The following MCF2L2 variants were observed in gnomAD, a reference collection of about 807,000 sequenced individuals.
MCF2L2 encodes MCF.2 cell line derived transforming sequence-like 2.
Under a neutral mutation model 150.2 loss-of-function variants are expected in MCF2L2, and 102 were observed. The ratio of observed to expected loss-of-function variants is 0.68; its 90% CI spans 0.58 to 0.80. MCF2L2 has a LOEUF of 0.80. MCF2L2 is among the 30% of genes least tolerant of loss of function. The pLI is 0.00. For synonymous variants in MCF2L2, 465 were observed against 491.3 expected, an observed-to-expected ratio of 0.95 and a Z score of 0.71; for missense variants, 1,256 against 1,372.8, an observed-to-expected ratio of 0.91 and a Z score of 1.34.
intron 7 of MCF2L2, among the ~76,000 whole-genome samples, chr3:183,313,449 A>G (rs1455009609): frequency 6.6e-6 from 1 of 152,230 alleles, no homozygotes; most frequent in Non-Finnish European, 1.5e-5. Context: ...CACACACTAT[A>G]TATCCCCTTT....
chr3:183,252,856 T>C (rs1348410320), intron 15 of MCF2L2, among the ~76,000 whole-genome samples: 2 of 152,104 alleles, frequency 1.3e-5, no homozygotes, highest in African/African-American at 4.8e-5. Flanking sequence ...TAGGGAGAGG[T>C]CTAACAACAT....
chr3:183,224,287 A>G, intron 18 of MCF2L2, 97 bp from the exon 19 acceptor site: 1 of 783,900 alleles, frequency 1.3e-6, no homozygotes, highest in Non-Finnish European at 2.2e-6. Context: ...AAGCCAGAGT[A>G]TTCTAATGTG....
chr3:183,207,291 C>T (rs1014380598), intron 23 of MCF2L2, among the ~76,000 whole-genome samples: 9 of 152,140 alleles, frequency 5.9e-5, no homozygotes, highest in Admixed American at 5.2e-4. Flanking sequence ...AGCCCATGTT[C>T]TCATCACTAA....
At chr3:183,294,631 ATAT>A (rs1560003821) in intron 13 of MCF2L2, among the ~76,000 whole-genome samples, 2 of 114,032 alleles carry the variant, frequency 1.8e-5, no homozygotes, top group Non-Finnish European at 3.7e-5. Context: ...ATATATATAT[ATAT>A]TTTTTTTTTT....
At chr3:183,212,871 C>A (rs1399055209) in intron 22 of MCF2L2, among the ~76,000 whole-genome samples, 1 of 147,832 alleles carries the variant, frequency 6.8e-6, no homozygotes, top group African/African-American at 2.5e-5. Flanking sequence ...CTGTTGGGCG[C>A]CAGGCACAGT....
chr3:183,258,128 C>T (rs550408343), intron 15 of MCF2L2, among the ~76,000 whole-genome samples: 1 of 151,934 alleles, frequency 6.6e-6, no homozygotes, highest in Non-Finnish European at 1.5e-5. Flanking sequence ...CCACCACACC[C>T]AGCTAATTTT....
intron 3 of MCF2L2, among the ~76,000 whole-genome samples, chr3:183,341,936 T>C (rs1192364749): frequency 1.3e-5 from 2 of 152,234 alleles, no homozygotes; most frequent in South Asian, 2.1e-4. Context: ...ATTCCCAATG[T>C]AGGCGGAGGA....
chr3:183,366,984 A>G (rs371060940), intron 3 of MCF2L2, among the ~76,000 whole-genome samples: 11 of 152,332 alleles, frequency 7.2e-5, no homozygotes, highest in African/African-American at 2.6e-4. Flanking sequence ...AAATGCACAT[A>G]AAAAAGTCAT....
In MCF2L2 at chr3:183,283,859, C is replaced by T. The variant is rs996629192; in HGVS notation, c.1776+5261G>A. Among the ~76,000 whole-genome samples, 4 of 152,298 alleles carry T rather than the reference C, an allele frequency of 2.6e-5. No homozygotes were observed. The highest frequency in any genetic ancestry group is 7.2e-5 in the African/African-American group (3 of 41,564). On this transcript the variant is annotated intron_variant, in intron 14 of 29. Coordinates refer to ENST00000328913, the MANE Select transcript of MCF2L2 (RefSeq NM_015078.4). This position sits in a 1 kb window ranked among gnomAD's most constrained non-coding sequence, Gnocchi z 4.2. Reference sequence around the variant, plus strand: ...TAGAGTTGAATTCAAATGCCACCTCCTTTGAAAGCCATCCTTGATGTCCTT... The same window carrying T: ...TAGAGTTGAATTCAAATGCCACCTCTTTTGAAAGCCATCCTTGATGTCCTT...
chr3:183,364,400 G>A (rs1248114874), intron 3 of MCF2L2, among the ~76,000 whole-genome samples: 4 of 152,106 alleles, frequency 2.6e-5, no homozygotes, highest in South Asian at 2.1e-4. Context: ...GGTGCCTGTA[G>A]TCCCAGCTAC....
intron 15 of MCF2L2, among the ~76,000 whole-genome samples, chr3:183,275,111 C>G (rs1392881563): frequency 6.6e-6 from 1 of 152,144 alleles, no homozygotes; most frequent in Non-Finnish European, 1.5e-5. Flanking sequence ...TCCTCTCTTC[C>G]CTTAAGCATC....
chr3:183,317,489 G>C (rs1002111227), intron 7 of MCF2L2, among the ~76,000 whole-genome samples: 1 of 152,114 alleles, frequency 6.6e-6, no homozygotes, highest in Non-Finnish European at 1.5e-5. Context: ...GTGCTTTTAC[G>C]AATCATTTAA....
intron 9 of MCF2L2, chr3:183,310,571 GA>G: frequency 6.6e-6 from 2 of 301,894 alleles, no homozygotes; most frequent in Middle Eastern, 4.8e-4. Flanking sequence ...GCTGAGGTGG[GA>G]GGATAGCTTG....
chr3:183,279,756 C>A (rs772973102), intron 14 of MCF2L2, among the ~76,000 whole-genome samples: 16 of 152,224 alleles, frequency 1.1e-4, no homozygotes, highest in Admixed American at 1.3e-4. Context: ...ATTGGCTGGG[C>A]ATGGTGGCTC....
intron 1 of MCF2L2, among the ~76,000 whole-genome samples, chr3:183,395,193 G>T (rs1013339917): frequency 1.3e-5 from 2 of 152,156 alleles, no homozygotes; most frequent in Non-Finnish European, 2.9e-5. Context: ...AACTTTATAT[G>T]TAATGGCATA....
chr3:183,201,073 T>A (rs1722263100), intron 25 of MCF2L2, among the ~76,000 whole-genome samples: 1 of 152,260 alleles, frequency 6.6e-6, no homozygotes, highest in African/African-American at 2.4e-5. Context: ...CCTCCAGCTT[T>A]GTTCTTTTGG....
Position 183,178,370 on chromosome 3 carries a change from T to A in MCF2L2, c.*1010A>T, listed in dbSNP as rs1425316167. ...CTGTAGTCCCAGCTACTCAGGAGGC[T>A]GAGGCAGGAGAATGGCGTGAACCCG... On this transcript the variant is annotated 3_prime_UTR_variant, in exon 30 of 30. Transcript: ENST00000328913. The A allele has an allele frequency of 6.6e-6, 1 of 152,190 alleles. No homozygotes were observed. The highest frequency in any genetic ancestry group is 2.4e-5 in the African/African-American group (1 of 41,432). 9.4% of individuals were successfully genotyped at this position (152,190 alleles called of 1,614,324 possible).
At chr3:183,422,821 G>A (rs555951975) in intron 1 of MCF2L2, among the ~76,000 whole-genome samples, 2 of 152,208 alleles carry the variant, frequency 1.3e-5, no homozygotes, top group East Asian at 3.9e-4. Context: ...GGCTTTAGAA[G>A]CCTGGCTTTT....
In MCF2L2 at chr3:183,181,539, G is replaced by A. The variant is rs751703368; in HGVS notation, c.3017-1380C>T. 3.9e-5 allele frequency among the ~76,000 whole-genome samples: 6 copies of A among 152,152 alleles called. No homozygotes were observed. The highest frequency in any genetic ancestry group is 6.5e-5 in the Admixed American group (1 of 15,272). Reference sequence around the variant, plus strand: ...TTCATCCTCCAGACAGGACTTGGGAGCATCTAAGGAAACCCAAGACTCCTC... The same window carrying A: ...TTCATCCTCCAGACAGGACTTGGGAACATCTAAGGAAACCCAAGACTCCTC... On this transcript the variant is annotated intron_variant, in intron 27 of 29. Transcript: ENST00000328913. This position sits in a 1 kb window ranked among gnomAD's most constrained non-coding sequence, Gnocchi z 4.3.
Sources: gnomAD v4.1 joint callset for allele counts (sites outside exome capture counted in the v4.1 genomes callset) on GRCh38, gnomAD v4.1.1 for gene constraint, Gnocchi (gnomAD v3.1) non-coding constraint, MANE v1.5 for transcripts, NCBI Gene and HGNC (gene_info 2026-07-23, HGNC 2026-07-21) for gene names.